The following CSMD1 variants were observed in gnomAD, a reference collection of about 807,000 sequenced individuals.
The protein encoded by CSMD1 is CUB and Sushi multiple domains 1.
CSMD1 carries 213 observed loss-of-function variants against 417.5 expected under a neutral mutation model. The observed-to-expected ratio is 0.51, with a 90% CI of 0.46 to 0.57. The LOEUF (loss-of-function observed/expected upper bound fraction) is 0.57, where lower values mean the gene tolerates loss of function less well. Among genes scored for constraint, CSMD1 ranks in the 20% least tolerant of loss-of-function variants. The probability of loss-of-function intolerance (pLI) is 0.00; values close to 1 mark genes in which losing one functional copy is unlikely to be tolerated. For missense variants in CSMD1, 6,923 were observed against 4,529.7 expected, an observed-to-expected ratio of 1.53 and a Z score of -15.17; for synonymous variants, 2,862 against 1,736.8, an observed-to-expected ratio of 1.65 and a Z score of -16.11.
At chr8:3,879,839 G>C (rs1389338663) in intron 5 of CSMD1, among the ~76,000 whole-genome samples, 1 of 91,672 alleles carries the variant, frequency 1.1e-5, no homozygotes, top group Non-Finnish European at 2.1e-5. Flanking sequence ...GCGTGTGCGT[G>C]TGTGTGTGTG....
chr8:3,706,210 C>G (rs1035326769), intron 7 of CSMD1, among the ~76,000 whole-genome samples: 2 of 152,204 alleles, frequency 1.3e-5, no homozygotes, highest in Non-Finnish European at 2.9e-5. Flanking sequence ...CAGTTTACAC[C>G]CCTCTTGATT....
At chr8:3,733,569 C>T (rs1015099689) in intron 6 of CSMD1, among the ~76,000 whole-genome samples, 1 of 151,936 alleles carries the variant, frequency 6.6e-6, no homozygotes, top group African/African-American at 2.4e-5. Context: ...AGTTGCGGGC[C>T]ATTCTTCGAG....
intron 7 of CSMD1, among the ~76,000 whole-genome samples, chr8:3,631,538 A>G (rs1172930270): frequency 6.6e-6 from 1 of 152,222 alleles, no homozygotes; most frequent in Non-Finnish European, 1.5e-5. Flanking sequence ...AAAATGTTCC[A>G]AAATAGAAAG....
chr8:4,680,517 G>A (rs949856321), intron 1 of CSMD1, among the ~76,000 whole-genome samples: 1 of 152,162 alleles, frequency 6.6e-6, no homozygotes, highest in African/African-American at 2.4e-5. Context: ...GGAGGAAGGA[G>A]AAATGGAAAT....
chr8:3,469,090 C>G (rs940839941), intron 11 of CSMD1: 1 of 307,934 alleles, frequency 3.2e-6, no homozygotes, highest in Non-Finnish European at 6.0e-6. Flanking sequence ...TCAACCATCC[C>G]ATTTTCCTGG....
At chr8:3,250,392 T>A (rs1043855865) in intron 26 of CSMD1, among the ~76,000 whole-genome samples, 1 of 152,182 alleles carries the variant, frequency 6.6e-6, no homozygotes, top group Non-Finnish European at 1.5e-5. Context: ...ATGAACTCAT[T>A]ATTTTTTATG....
intron 25 of CSMD1, among the ~76,000 whole-genome samples, chr8:3,303,611 T>C (rs17079831): frequency 0.028 from 4,261 of 152,268 alleles, 198 homozygotes; most frequent in African/African-American, 0.095. Flanking sequence ...TTCCAGACAA[T>C]TACACTGGCA....
At chr8:3,716,314 A>C (rs1178254116) in intron 6 of CSMD1, among the ~76,000 whole-genome samples, 1 of 152,196 alleles carries the variant, frequency 6.6e-6, no homozygotes, top group Admixed American at 6.5e-5. Context: ...AGTGAAAGCA[A>C]GTTTATTGAG....
chr8:3,517,436 C>T (rs11778536), intron 10 of CSMD1, among the ~76,000 whole-genome samples: 33,745 of 152,018 alleles, frequency 0.22, 5,049 homozygotes, highest in African/African-American at 0.41. Context: ...TACACTCCAA[C>T]CTATGCATTG....
At chr8:2,943,147 T>A (rs546755592) in intron 68 of CSMD1, among the ~76,000 whole-genome samples, 1 of 152,362 alleles carries the variant, frequency 6.6e-6, no homozygotes, top group Non-Finnish European at 1.5e-5. Context: ...AAAATAATTA[T>A]AGTTCAATGT....
chr8:4,450,513 T>C (rs1220603330), intron 2 of CSMD1, among the ~76,000 whole-genome samples: 5 of 152,074 alleles, frequency 3.3e-5, no homozygotes, highest in Non-Finnish European at 5.9e-5. Context: ...TGCGGGCCTG[T>C]AGTGCCAGCT....
intron 23 of CSMD1, among the ~76,000 whole-genome samples, chr8:3,331,055 A>C (rs1219138736): frequency 6.6e-6 from 1 of 151,942 alleles, no homozygotes; most frequent in African/African-American, 2.4e-5. Flanking sequence ...TCGAGACCAC[A>C]GTGAAACCCC....
At chr8:4,056,864 G>C (rs373145860) in intron 3 of CSMD1, among the ~76,000 whole-genome samples, 43 of 152,248 alleles carry the variant, frequency 2.8e-4, no homozygotes, top group Middle Eastern at 6.8e-3. Context: ...AGGACATGAA[G>C]TCATCATTTT....
rs567099862 is a variant in CSMD1, at chr8:4,510,545, ATCTTCCCTTCCC to A, written c.303-90492_303-90481del. On this transcript the variant is annotated intron_variant, in intron 2 of 69. Coordinates refer to ENST00000635120, the MANE Select transcript of CSMD1 (RefSeq NM_033225.6). ...GTGAGTCTCTTCCCTACTCAAAGCA[ATCTTCCCTTCCC>A]TCTTCCCTTCCCTCTTCCCTTCCCT... Among the ~76,000 whole-genome samples the A allele has an allele frequency of 2.0e-3, 299 of 148,740 alleles. 2 individuals are homozygous for A. The highest frequency in any genetic ancestry group is 6.9e-3 in the African/African-American group (279 of 40,652).
intron 7 of CSMD1, among the ~76,000 whole-genome samples, chr8:3,661,545 G>A (rs1034561202): frequency 9.2e-5 from 14 of 151,488 alleles, no homozygotes; most frequent in African/African-American, 3.1e-4. Context: ...CACCCAGGCT[G>A]CAGTGCGGTG....
chr8:3,054,560 G>C (rs187995794), intron 49 of CSMD1, among the ~76,000 whole-genome samples: 5 of 152,244 alleles, frequency 3.3e-5, no homozygotes, highest in African/African-American at 9.6e-5. Context: ...AGAGGTTGCA[G>C]TGAGCTGAAA....
intron 15 of CSMD1, 87 bp downstream of exon 15, chr8:3,405,940 G>C (rs1812318339): frequency 3.1e-6 from 4 of 1,296,840 alleles, no homozygotes; most frequent in Admixed American, 4.0e-5. Flanking sequence ...GCCCTAGCAA[G>C]CTAACACAGT....
At chr8:3,537,792 C>G (rs1315215655) in intron 10 of CSMD1, among the ~76,000 whole-genome samples, 2 of 152,162 alleles carry the variant, frequency 1.3e-5, no homozygotes, top group African/African-American at 2.4e-5. Flanking sequence ...ATTAAAGAGT[C>G]TCATCCATAG....
At chr8:3,396,749 A>G (rs184684270) in intron 16 of CSMD1, among the ~76,000 whole-genome samples, 105 of 152,274 alleles carry the variant, frequency 6.9e-4, no homozygotes, top group Non-Finnish European at 1.2e-3. Context: ...TCAATTATAT[A>G]TTTTTAAACT....
Sources: allele counts gnomAD v4.1 joint callset (sites outside exome capture counted in the v4.1 genomes callset), GRCh38; gene constraint gnomAD v4.1.1; transcripts MANE v1.5; gene names NCBI Gene and HGNC (gene_info 2026-07-23, HGNC 2026-07-21).